Variants in ELAPOR2 observed in about 807,000 individuals in gnomAD.
ELAPOR2 encodes the protein endosome-lysosome associated apoptosis and autophagy regulator family member 2.
ELAPOR2 carries 89 observed loss-of-function variants against 120.7 expected under a neutral mutation model. The ratio of observed to expected loss-of-function variants is 0.74; its 90% confidence interval spans 0.62 to 0.88. ELAPOR2 has a LOEUF of 0.88. Among genes scored for constraint, ELAPOR2 ranks in the 40% least tolerant of loss-of-function variants. The pLI, the probability that ELAPOR2 is intolerant of heterozygous loss-of-function variation, is 0.00. For synonymous variants in ELAPOR2, 444 were observed against 444.9 expected, an observed-to-expected ratio of 1.00 and a Z score of 0.03; for missense variants, 1,134 against 1,251.6, an observed-to-expected ratio of 0.91 and a Z score of 1.42.
intron 2 of ELAPOR2, among the ~76,000 whole-genome samples, chr7:86,961,813 C>A (rs1562945407): frequency 6.6e-6 from 1 of 152,138 alleles, no homozygotes; most frequent in South Asian, 2.1e-4. Context: ...TGGATGATGC[C>A]CACAGATGCT....
At chr7:86,931,509 T>G (rs75603777) in intron 8 of ELAPOR2, among the ~76,000 whole-genome samples, 3,568 of 152,028 alleles carry the variant, frequency 0.023, 125 homozygotes, top group African/African-American at 0.082. Flanking sequence ...CTGGCCTCTG[T>G]CCTCTAGATT....
At chr7:86,966,478 T>C (rs1791908127) in intron 1 of ELAPOR2, among the ~76,000 whole-genome samples, 1 of 152,030 alleles carries the variant, frequency 6.6e-6, no homozygotes, top group Non-Finnish European at 1.5e-5. Flanking sequence ...GTCTCTAAAA[T>C]CCACATTTCT....
intron 1 of ELAPOR2, among the ~76,000 whole-genome samples, chr7:87,033,036 C>G (rs1441332579): frequency 6.6e-6 from 1 of 152,088 alleles, no homozygotes; most frequent in East Asian, 1.9e-4. Context: ...AAATAGCTGC[C>G]TGGTACACCT....
In ELAPOR2 at chr7:87,057,505, G is replaced by A. The variant is rs986738205; in HGVS notation, c.189+1820C>T. 9.2e-5 allele frequency among the ~76,000 whole-genome samples: 14 copies of A among 152,128 alleles called. No individual in the cohort carries two copies. The East Asian group carries it at 9.6e-4, about 10-fold the overall frequency. On this transcript the variant is annotated intron_variant, in intron 1 of 21. Coordinates refer to ENST00000450689, the MANE Select transcript of ELAPOR2 (RefSeq NM_001142749.3). ...TACAGCCAAAGGCAGGCTCAATAGC[G>A]TCCTCCTATATATTTTATTTATTCT...
In ELAPOR2 at chr7:87,059,578, C is replaced by T; in HGVS notation, c.-65G>A. ...CCTTCCCGGGGTGCGGCGGCAGCTC[C>T]GGCTCCCGGGCCGCGACTGCTGTGC... On this transcript the variant is annotated 5_prime_UTR_variant, in exon 1 of 22. Transcript: ENST00000450689. 1.8e-6 allele frequency: 2 copies of T among 1,138,370 alleles called. No homozygotes were observed. The highest frequency in any genetic ancestry group is 2.2e-6 in the Non-Finnish European group (2 of 929,036). The allele number at this position is 1,138,370 out of a possible 1,614,324, so 70.5% of individuals were successfully genotyped here.
chr7:87,003,145 C>CTGA (rs1268842673), intron 1 of ELAPOR2, among the ~76,000 whole-genome samples: 4 of 152,098 alleles, frequency 2.6e-5, no homozygotes, highest in African/African-American at 9.7e-5. Flanking sequence ...GAGCATTTCT[C>CTGA]TGATAAGGAA....
At chr7:87,040,098 C>G (rs544957224) in intron 1 of ELAPOR2, among the ~76,000 whole-genome samples, 2 of 152,248 alleles carry the variant, frequency 1.3e-5, no homozygotes, top group African/African-American at 2.4e-5. Context: ...GATTATATCC[C>G]GCACCTGGCT....
chr7:86,930,248 A>C (rs1467787079), intron 8 of ELAPOR2, among the ~76,000 whole-genome samples: 1 of 152,002 alleles, frequency 6.6e-6, no homozygotes, highest in Non-Finnish European at 1.5e-5. Flanking sequence ...ATATGGTATG[A>C]GAACTATATC....
rs141118881 is a variant in ELAPOR2 at position 86,938,813 on chromosome 7, A to G, written c.995T>C (p.Phe332Ser). 3 of 1,613,064 alleles carry G rather than the reference A, an allele frequency of 1.9e-6. No homozygotes were observed. Among genetic ancestry groups the G allele is most frequent in the Non-Finnish European group, 2.5e-6 (3 of 1,179,298 alleles). ...AGAGTATAAACTAGTTCTACCTGAA[A>G]ATTGAGAGTCGTCTTTACACCTTAT... ...ECIRCKDDSQ[F>S]SEEGSSECTE... Residue 332 changes from phenylalanine to serine, a missense_variant, in exon 7 of 22, where the codon TTT becomes TCT. Physicochemically the swap from Phe to Ser is radical, Grantham distance 155 (BLOSUM62 -2). This residue lies in a region of ELAPOR2 where 831 missense variants were observed against 867.6 expected (regional missense o/e 0.96). Transcript: ENST00000450689.
intron 2 of ELAPOR2, among the ~76,000 whole-genome samples, chr7:86,949,505 C>T (rs769206040): frequency 6.6e-6 from 1 of 152,142 alleles, no homozygotes; most frequent in Non-Finnish European, 1.5e-5. Context: ...CTTCCCTGTG[C>T]TCTTGGGGGC....
At chr7:87,017,721 G>A (rs1409758592) in intron 1 of ELAPOR2, among the ~76,000 whole-genome samples, 1 of 151,992 alleles carries the variant, frequency 6.6e-6, no homozygotes, top group East Asian at 1.9e-4. Flanking sequence ...AGGAGTTTGT[G>A]ACCAGCCTGG....
intron 10 of ELAPOR2, among the ~76,000 whole-genome samples, chr7:86,921,458 C>T (rs939382984): frequency 6.6e-5 from 10 of 152,024 alleles, no homozygotes; most frequent in African/African-American, 2.2e-4. Flanking sequence ...TGTCACAAGT[C>T]AAGGAATTCC....
Position 86,947,763 on chromosome 7 carries a change from A to G in ELAPOR2, c.470T>C (p.Val157Ala). The G allele has an allele frequency of 1.3e-6, 2 of 1,551,714 alleles. No individual in the cohort carries two copies. Among genetic ancestry groups the G allele is most frequent in the Non-Finnish European group, 1.7e-6 (2 of 1,146,994 alleles). The change falls in exon 3 of 22, where the codon GTG (valine) becomes GCG (alanine). Residue 157 changes from valine to alanine, a missense_variant. Coordinates refer to ENST00000450689, the MANE Select transcript of ELAPOR2 (RefSeq NM_001142749.3). ...GTCTGGCCTGCTGTCAGAAGGGCCC[A>G]CCACAGTGTCCATGAATGTTGCGAT... ...SNIATFMDTV[V>A]GPSDSRPDGC...
At position 86,910,984 on chromosome 7, in the gene ELAPOR2, G is replaced by A. The variant is rs1789278138; in HGVS notation, c.2170-983C>T. On this transcript the variant is annotated intron_variant, in intron 15 of 21. Coordinates refer to ENST00000450689, the MANE Select transcript of ELAPOR2 (RefSeq NM_001142749.3). ...CAATAAAAAATAATGGAAAAGATCA[G>A]AGAAAAGGTACTGGGGAAAGAAAAA... Among the ~76,000 whole-genome samples, 9 of 151,768 alleles carry A rather than the reference G, an allele frequency of 5.9e-5. No individual in the cohort carries two copies. In the South Asian group the frequency reaches 1.9e-3, roughly 31 times the overall value.
chr7:86,882,067 T>C (rs978849559), intron 21 of ELAPOR2, among the ~76,000 whole-genome samples: 6 of 152,220 alleles, frequency 3.9e-5, no homozygotes, highest in African/African-American at 1.4e-4. Context: ...TCTGCTGAGC[T>C]GACAAGCCTC....
chr7:86,895,854 T>G (rs1017971046), intron 19 of ELAPOR2, among the ~76,000 whole-genome samples: 1 of 152,076 alleles, frequency 6.6e-6, no homozygotes, highest in Non-Finnish European at 1.5e-5. Flanking sequence ...AAAAAACAAT[T>G]ATAAGATAAG....
intron 1 of ELAPOR2, among the ~76,000 whole-genome samples, chr7:86,981,006 T>G (rs1225348075): frequency 6.6e-6 from 1 of 152,180 alleles, no homozygotes; most frequent in Admixed American, 6.5e-5. Flanking sequence ...CTACAGATTC[T>G]GGGTGTTCAT....
chr7:87,030,104 T>C (rs1453045095), intron 1 of ELAPOR2, among the ~76,000 whole-genome samples: 1 of 152,104 alleles, frequency 6.6e-6, no homozygotes, highest in Non-Finnish European at 1.5e-5. Flanking sequence ...AACAAAGCCA[T>C]AGCTGAAAAT....
intron 1 of ELAPOR2, among the ~76,000 whole-genome samples, chr7:86,984,556 G>C (rs189199115): frequency 7.9e-4 from 121 of 152,294 alleles, no homozygotes; most frequent in Middle Eastern, 3.4e-3. Context: ...CAACTACGTG[G>C]AAACTGAACA....
Sources: allele counts gnomAD v4.1 joint callset (sites outside exome capture counted in the v4.1 genomes callset), GRCh38; gene constraint gnomAD v4.1.1; regional missense constraint gnomAD v4.1.1; transcripts MANE v1.5; gene names NCBI Gene and HGNC (gene_info 2026-07-23, HGNC 2026-07-21).